AGBL4: variants seen among roughly 807,000 people sequenced by gnomAD.
AGBL4 encodes cytosolic carboxypeptidase 6.
Under a neutral mutation model 66.4 loss-of-function variants are expected in AGBL4, and 58 were observed. The ratio of observed to expected loss-of-function variants is 0.87; its 90% CI spans 0.71 to 1.09. The LOEUF is 1.09. Among genes scored for constraint, AGBL4 ranks in the 50% least tolerant of loss-of-function variants. AGBL4 has a pLI of 0.00. For synonymous variants in AGBL4, 234 were observed against 222.9 expected (o/e 1.05, Z -0.44); for missense variants, 579 against 631.0 (o/e 0.92, Z 0.88).
At chr1:49,049,318 T>C (rs1267311516) in intron 4 of AGBL4, among the ~76,000 whole-genome samples, 1 of 152,142 alleles carries the variant, frequency 6.6e-6, no homozygotes, top group African/African-American at 2.4e-5. Context: ...CAAATCAATG[T>C]ATAACTGACT....
At chr1:48,576,940 C>T (rs970394046) in intron 11 of AGBL4, among the ~76,000 whole-genome samples, 3 of 152,148 alleles carry the variant, frequency 2.0e-5, no homozygotes, top group Non-Finnish European at 4.4e-5. Context: ...CCTCATTTCC[C>T]CAAATCATTA....
At chr1:49,321,745 T>C (rs529125428) in intron 3 of AGBL4, among the ~76,000 whole-genome samples, 2 of 152,224 alleles carry the variant, frequency 1.3e-5, no homozygotes, top group Non-Finnish European at 2.9e-5. Flanking sequence ...AGCTAAGTGC[T>C]TGAGACTTCT....
chr1:48,591,128 G>A (rs1210849897), intron 9 of AGBL4, 143 bp from the exon 10 acceptor site: 2 of 728,902 alleles, frequency 2.7e-6, no homozygotes, highest in African/African-American at 2.3e-5. Context: ...AGCTGACCCT[G>A]TGTGTCAGCA....
chr1:49,633,111 T>TA (rs1645604077), intron 3 of AGBL4, among the ~76,000 whole-genome samples: 1 of 151,442 alleles, frequency 6.6e-6, no homozygotes, highest in East Asian at 2.0e-4. Context: ...AATAAAAAAA[T>TA]AAAAAATCCA....
At chr1:49,814,177 G>A (rs1645176492) in intron 2 of AGBL4, among the ~76,000 whole-genome samples, 1 of 152,072 alleles carries the variant, frequency 6.6e-6, no homozygotes, top group South Asian at 2.1e-4. Context: ...TGTATTAATT[G>A]TGTAGCCAGC....
chr1:48,690,162 G>C (rs749770802), intron 6 of AGBL4, among the ~76,000 whole-genome samples: 5 of 152,250 alleles, frequency 3.3e-5, no homozygotes, highest in Non-Finnish European at 7.3e-5. Flanking sequence ...TTGTATGCTA[G>C]TTGAATAAAT....
chr1:48,731,098 A>G (rs996212903), intron 6 of AGBL4, among the ~76,000 whole-genome samples: 1 of 152,208 alleles, frequency 6.6e-6, no homozygotes, highest in Admixed American at 6.5e-5. Flanking sequence ...TATATGGCAA[A>G]TGTGACTACA....
intron 9 of AGBL4, among the ~76,000 whole-genome samples, chr1:48,633,650 C>T (rs1489905399): frequency 6.6e-6 from 1 of 152,202 alleles, no homozygotes; most frequent in African/African-American, 2.4e-5. Flanking sequence ...CTACCTCTTC[C>T]CATATCCTCC....
At chr1:48,752,614 G>T (rs1651919515) in intron 6 of AGBL4, among the ~76,000 whole-genome samples, 4 of 152,156 alleles carry the variant, frequency 2.6e-5, no homozygotes. Context: ...GTAGGACAAT[G>T]GGTGCCTATG....
At chr1:49,357,626 C>A (rs2148530062) in intron 3 of AGBL4, among the ~76,000 whole-genome samples, 1 of 152,144 alleles carries the variant, frequency 6.6e-6, no homozygotes, top group South Asian at 2.1e-4. Flanking sequence ...CATTATAATC[C>A]CTGTTTTACT....
chr1:49,446,430 CTG>C lies in AGBL4; in HGVS notation c.283-200568_283-200567del, dbSNP rs1339436860. ...GTATGTGCAGTAGTGTATGTAGACT[CTG>C]TATTATTTCCTTGGCTGTAAACAGC... On this transcript the variant is annotated intron_variant, in intron 3 of 13. Coordinates refer to ENST00000371839, the MANE Select transcript of AGBL4 (RefSeq NM_032785.4). 1.1e-4 allele frequency among the ~76,000 whole-genome samples: 16 copies of C among 152,232 alleles called. 1 individual carries two copies. The East Asian group carries it at 2.5e-3, about 24-fold the overall frequency.
At chr1:49,278,453 AC>A (rs1339699974) in intron 3 of AGBL4, among the ~76,000 whole-genome samples, 1 of 152,186 alleles carries the variant, frequency 6.6e-6, no homozygotes, top group African/African-American at 2.4e-5. Flanking sequence ...GAATTACAGG[AC>A]GACTGATCTA....
intron 3 of AGBL4, among the ~76,000 whole-genome samples, chr1:49,549,211 T>C (rs1652751288): frequency 6.6e-6 from 1 of 152,102 alleles, no homozygotes; most frequent in African/African-American, 2.4e-5. Flanking sequence ...TAATGGTCTA[T>C]CAATTTTGTT....
chr1:49,401,685 T>C (rs568964507), intron 3 of AGBL4, among the ~76,000 whole-genome samples: 1 of 152,318 alleles, frequency 6.6e-6, no homozygotes, highest in East Asian at 1.9e-4. Context: ...ATCAGGGTAA[T>C]ACTGGCCTCA....
chr1:49,883,754 A>G (rs911203995), intron 1 of AGBL4, among the ~76,000 whole-genome samples: 1 of 152,030 alleles, frequency 6.6e-6, no homozygotes, highest in Non-Finnish European at 1.5e-5. Context: ...ATTAAGATAA[A>G]CAATTACAAT....
intron 2 of AGBL4, among the ~76,000 whole-genome samples, chr1:49,710,307 GA>G (rs1455992641): frequency 6.6e-6 from 1 of 152,170 alleles, no homozygotes; most frequent in Non-Finnish European, 1.5e-5. Context: ...TATGAAGCTG[GA>G]AACCATTATT....
chr1:48,704,248 C>T (rs320043), intron 6 of AGBL4, among the ~76,000 whole-genome samples: 139,225 of 152,266 alleles, frequency 0.91, 64,908 homozygotes, highest in Non-Finnish European at 1. Context: ...AGGGCACTTA[C>T]AGTATAAAAC....
chr1:49,403,619 C>A (rs1452089677), intron 3 of AGBL4, among the ~76,000 whole-genome samples: 2 of 152,120 alleles, frequency 1.3e-5, no homozygotes, highest in Non-Finnish European at 2.9e-5. Context: ...TTGGTAAGGT[C>A]ATGTTTTCCA....
At chr1:49,656,211 G>C (rs1423838729) in intron 3 of AGBL4, among the ~76,000 whole-genome samples, 7 of 151,554 alleles carry the variant, frequency 4.6e-5, no homozygotes, top group Admixed American at 4.6e-4. Flanking sequence ...ACTACCATCA[G>C]AGAATACCAT....
Sources: gnomAD v4.1 joint callset for allele counts (sites outside exome capture counted in the v4.1 genomes callset) on GRCh38, gnomAD v4.1.1 for gene constraint, MANE v1.5 for transcripts, NCBI Gene and HGNC (gene_info 2026-07-23, HGNC 2026-07-21) for gene names.